Variants in FCGR2A observed in about 807,000 individuals in gnomAD.
FCGR2A encodes the protein low affinity immunoglobulin gamma Fc region receptor II-a.
In FCGR2A, 18 loss-of-function variants were observed where a neutral mutation model predicts 29.3. The observed-to-expected ratio is 0.62, with a 90% confidence interval of 0.43 to 0.91. The LOEUF is 0.91. Ranked by LOEUF, FCGR2A falls within the 40% of genes least tolerant of loss-of-function variation. The probability of loss-of-function intolerance (pLI) is 0.00; values close to 1 mark genes in which losing one functional copy is unlikely to be tolerated. For missense variants in FCGR2A, 287 were observed against 393.0 expected (o/e 0.73, Z 2.28); for synonymous variants, 126 against 144.8 (o/e 0.87, Z 0.93).
In FCGR2A at chr1:161,505,974, T is replaced by C. The variant is rs758035627; in HGVS notation, c.86-13T>C. 6.2e-7 allele frequency: 1 copy of C among 1,614,090 alleles called. No homozygotes were observed. The highest frequency in any genetic ancestry group is 1.1e-5 in the South Asian group (1 of 91,082). ...TCCTGCTCGACGTTGATCCACTCTC[T>C]TCTCTTTTACAGCTTCTGCAGACAG... On this transcript the variant is annotated splice_polypyrimidine_tract_variant and intron_variant, in intron 1 of 6. Coordinates refer to ENST00000271450, the MANE Select transcript of FCGR2A (RefSeq NM_001136219.3).
chr1:161,506,525 G>A lies in FCGR2A; in HGVS notation c.298G>A (p.Gly100Arg), dbSNP rs778753393. Residue 100 changes from glycine to arginine, a missense_variant, in exon 3 of 7, where the codon GGG (glycine) becomes AGG (arginine). By Grantham distance (125) the Gly-to-Arg change is moderately radical. This residue lies in a region of FCGR2A where 181 missense variants were observed against 250.9 expected (regional missense o/e 0.72). Transcript: ENST00000271450. ...GTTCAAGGCCAACAACAATGACAGC[G>A]GGGAGTACACGTGCCAGACTGGCCA... Reference protein sequence around the residue: ...YRFKANNNDSGEYTCQTGQTS... With the variant: ...YRFKANNNDSREYTCQTGQTS... The A allele has an allele frequency of 7.4e-5, 119 of 1,614,084 alleles. No individual in the cohort carries two copies. The highest frequency in any genetic ancestry group is 1.2e-4 in the South Asian group (11 of 91,086).
chr1:161,511,702 C>T (rs1419640548), intron 5 of FCGR2A, among the ~76,000 whole-genome samples: 2 of 152,206 alleles, frequency 1.3e-5, no homozygotes, highest in African/African-American at 4.8e-5. Context: ...TGGCCCTGGT[C>T]CTTGGTCCTG....
At chr1:161,506,158 G>A (rs1675376141) in intron 2 of FCGR2A, 151 bp downstream of exon 2, 1 of 1,253,148 alleles carries the variant, frequency 8.0e-7, no homozygotes, top group Admixed American at 1.8e-5. Flanking sequence ...GTGGGGTCTG[G>A]GATTTGCTTC....
At chr1:161,523,543 C>T (rs1352313735), downstream of FCGR2A, 10 of 152,020 alleles carry the variant, frequency 6.6e-5, no homozygotes, top group East Asian at 3.9e-4. Flanking sequence ...GCCTCTCCAC[C>T]GGGCCTCTGG....
intron 6 of FCGR2A, among the ~76,000 whole-genome samples, chr1:161,514,157 G>A (rs77648173): frequency 8.6e-5 from 13 of 151,692 alleles, no homozygotes; most frequent in South Asian, 4.2e-4. Flanking sequence ...TACTTAACTT[G>A]GATCATTTCT....
chr1:161,511,906 C>A (rs994010526), intron 5 of FCGR2A, among the ~76,000 whole-genome samples: 10 of 152,118 alleles, frequency 6.6e-5, no homozygotes, highest in African/African-American at 2.4e-4. Flanking sequence ...GGGGCTTGTG[C>A]GAGTTCAGCT....
chr1:161,511,016 C>T, intron 5 of FCGR2A, 60 bp downstream of exon 5: 2 of 1,611,840 alleles, frequency 1.2e-6, no homozygotes, highest in Non-Finnish European at 1.7e-6. Context: ...GGGCCTAACC[C>T]CAGACATTGC....
chr1:161,515,954 A>G (rs1173058716), intron 6 of FCGR2A, among the ~76,000 whole-genome samples: 4 of 152,162 alleles, frequency 2.6e-5, no homozygotes, highest in Non-Finnish European at 4.4e-5. Flanking sequence ...AGAGAAAAAT[A>G]AGCACTTATA....
chr1:161,506,255 C>T, intron 2 of FCGR2A, 79 bp from the exon 3 acceptor site: 1 of 1,567,006 alleles, frequency 6.4e-7, no homozygotes, highest in Non-Finnish European at 8.7e-7. Context: ...GGGTGCCTGA[C>T]CTCCCTTGGG....
rs909391764 is a variant in FCGR2A at position 161,518,542 on chromosome 1, T to A, written c.*394T>A. 15 of 221,516 alleles carry A rather than the reference T, an allele frequency of 6.8e-5. No individual in the cohort carries two copies. Among genetic ancestry groups the A allele is most frequent in the Non-Finnish European group, 1.3e-4 (15 of 111,960 alleles). 13.7% of individuals were successfully genotyped at this position (221,516 alleles called of 1,614,324 possible). On this transcript the variant is annotated 3_prime_UTR_variant, in exon 7 of 7. Transcript: ENST00000271450. ...TTATTTTGCTTCCACATTTTCCCAATAAATACTTGCCTGTGACATTTTGCC... is the reference window on the plus strand; with the variant it reads ...TTATTTTGCTTCCACATTTTCCCAAAAAATACTTGCCTGTGACATTTTGCC...
chr1:161,509,373 T>TG (rs1675615879), intron 3 of FCGR2A, among the ~76,000 whole-genome samples: 1 of 149,702 alleles, frequency 6.7e-6, no homozygotes, highest in Non-Finnish European at 1.5e-5. Flanking sequence ...CAACAGCATG[T>TG]GGAAAAAAGG....
At chr1:161,510,986 A>G (rs1180325973) in intron 5 of FCGR2A, 30 bp downstream of exon 5, 11 of 1,613,816 alleles carry the variant, frequency 6.8e-6, no homozygotes, top group Non-Finnish European at 9.3e-6. Flanking sequence ...CCCTTTTGTT[A>G]TCAGTTTCCA....
intron 3 of FCGR2A, among the ~76,000 whole-genome samples, chr1:161,508,084 C>G (rs1331751004): frequency 1.8e-5 from 1 of 56,848 alleles, no homozygotes; most frequent in African/African-American, 8.6e-5. Context: ...GAAACTCTGT[C>G]TCAAAAAAAA....
chr1:161,511,883 G>GC lies in FCGR2A; in HGVS notation c.742+927_742+928insC, dbSNP rs1399547783. 1.5e-4 allele frequency among the ~76,000 whole-genome samples: 23 copies of GC among 152,338 alleles called. No homozygotes were observed. The South Asian group carries it at 1.7e-3, about 11-fold the overall frequency. ...CTCACCAGGGCTGCCGGCTGGACCTGAGCCAGCGAGAAGGGGCTTGTGCGA... is the reference window on the plus strand; with the variant it reads ...CTCACCAGGGCTGCCGGCTGGACCTGCAGCCAGCGAGAAGGGGCTTGTGCGA... On this transcript the variant is annotated intron_variant, in intron 5 of 6. Coordinates refer to ENST00000271450, the MANE Select transcript of FCGR2A (RefSeq NM_001136219.3).
intron 5 of FCGR2A, 52 bp from the exon 6 acceptor site, chr1:161,513,843 A>G (rs1675971106): frequency 1.7e-5 from 27 of 1,613,842 alleles, no homozygotes; most frequent in Non-Finnish European, 2.2e-5. Flanking sequence ...CAGCGTGGGC[A>G]GGCCCTTTTC....
In FCGR2A at chr1:161,517,985, G is replaced by A. The variant is rs200303548; in HGVS notation, c.791G>A (p.Arg264His). 2.9e-5 allele frequency: 47 copies of A among 1,613,734 alleles called. No homozygotes were observed. Among genetic ancestry groups the A allele is most frequent in the South Asian group, 2.4e-4 (22 of 91,050 alleles). ...AATGCTTTCCTGCAGCCACCTGGAC[G>A]TCAAATGATTGCCATCAGAAAGAGA... ...VKAAQFEPPGRQMIAIRKRQL... is the reference protein window; with the variant it reads ...VKAAQFEPPGHQMIAIRKRQL... Residue 264 changes from arginine to histidine, a missense_variant, in exon 7 of 7, where the codon CGT becomes CAT. By Grantham distance (29) the Arg-to-His change is conservative. Around this residue, in one of 3 missense-constraint regions of FCGR2A, gnomAD observed 34 missense variants for 73.5 expected, o/e 0.46. Transcript: ENST00000271450.
chr1:161,521,689 G>A (rs548753858), downstream of FCGR2A, among the ~76,000 whole-genome samples: 1 of 151,916 alleles, frequency 6.6e-6, no homozygotes, highest in African/African-American at 2.4e-5. Context: ...CATGAGATCT[G>A]ATGGTTTTAA....
At chr1:161,506,287 C>T (rs374633719) in intron 2 of FCGR2A, 47 bp from the exon 3 acceptor site, 2 of 1,607,792 alleles carry the variant, frequency 1.2e-6, no homozygotes, top group Non-Finnish European at 1.7e-6. Flanking sequence ...CATCCACAGT[C>T]CCTTCAGGGT....
intron 2 of FCGR2A, 28 bp downstream of exon 2, chr1:161,506,035 T>G (rs772399936): frequency 1.2e-6 from 2 of 1,608,516 alleles, no homozygotes; most frequent in South Asian, 2.2e-5. Context: ...TTCCTTGTAT[T>G]GACAGTGTTG....
Sources: allele counts gnomAD v4.1 joint callset (sites outside exome capture counted in the v4.1 genomes callset), GRCh38; gene constraint gnomAD v4.1.1; regional missense constraint gnomAD v4.1.1; transcripts MANE v1.5; gene names NCBI Gene and HGNC (gene_info 2026-07-23, HGNC 2026-07-21).